The following CAST variants were observed in gnomAD, a reference collection of about 807,000 sequenced individuals.
CAST encodes MIR583 host.
A neutral mutation model predicts 119.6 loss-of-function variants in CAST; 76 were observed. The ratio of observed to expected loss-of-function variants is 0.64; its 90% CI spans 0.53 to 0.77. The LOEUF (loss-of-function observed/expected upper bound fraction) is 0.77, where lower values mean the gene tolerates loss of function less well. Ranked by LOEUF, CAST falls within the 30% of genes least tolerant of loss-of-function variation. The pLI is 0.00. For synonymous variants in CAST, 319 were observed against 331.6 expected, an observed-to-expected ratio of 0.96 and a Z score of 0.41; for missense variants, 953 against 946.5, an observed-to-expected ratio of 1.01 and a Z score of -0.09.
chr5:96,080,541 A>G, the CAST span, among the ~76,000 whole-genome samples: 3 of 152,236 alleles, frequency 2.0e-5, no homozygotes, highest in African/African-American at 7.2e-5. Context: ...ATTAAAGTTC[A>G]TCATTTTGGA....
the CAST span, among the ~76,000 whole-genome samples, chr5:96,517,158 T>A: frequency 0.022 from 3,378 of 152,152 alleles, 55 homozygotes; most frequent in Middle Eastern, 0.041. Flanking sequence ...TTTTTTTAAC[T>A]AAGAATCTAG....
At chr5:96,757,097 T>TA (rs1766473794) in intron 22 of CAST, among the ~76,000 whole-genome samples, 1 of 152,204 alleles carries the variant, frequency 6.6e-6, no homozygotes, top group Admixed American at 6.5e-5. Flanking sequence ...GTAAAGGGCT[T>TA]ATCCCACACT....
At chr5:95,982,410 C>T in the CAST span, among the ~76,000 whole-genome samples, 2 of 152,136 alleles carry the variant, frequency 1.3e-5, no homozygotes, top group South Asian at 2.1e-4. Context: ...TGTTCTATCA[C>T]CACAGAGGAA....
At chr5:96,534,914 AAG>A (rs1033898923) in intron 1 of CAST, among the ~76,000 whole-genome samples, 3 of 141,832 alleles carry the variant, frequency 2.1e-5, no homozygotes, top group Non-Finnish European at 3.1e-5. Context: ...GAAGGAAAGA[AAG>A]AAAAGGAATA....
At chr5:96,034,485 A>ACACACACG in the CAST span, among the ~76,000 whole-genome samples, 26 of 130,838 alleles carry the variant, frequency 2.0e-4, 1 homozygote, top group Admixed American at 1.9e-3. Context: ...ACACACACAC[A>ACACACACG]CACACACACA....
upstream of CAST, among the ~76,000 whole-genome samples, chr5:96,659,007 T>C (rs1246930272): frequency 1.5e-4 from 23 of 152,216 alleles, no homozygotes. Context: ...CTCTTTCAAG[T>C]ATATATTTAT....
At chr5:96,527,795 T>C (rs1422814459), upstream of CAST, among the ~76,000 whole-genome samples, 1 of 152,150 alleles carries the variant, frequency 6.6e-6, no homozygotes, top group Non-Finnish European at 1.5e-5. Context: ...TCCATGGCCA[T>C]GAGGTGGGAC....
chr5:96,114,972 G>A, the CAST span, among the ~76,000 whole-genome samples: 4,236 of 152,324 alleles, frequency 0.028, 183 homozygotes, highest in African/African-American at 0.096. Context: ...TTGCTCATAT[G>A]TAAAATGGGT....
At chr5:96,327,437 A>G in the CAST span, among the ~76,000 whole-genome samples, 1 of 152,310 alleles carries the variant, frequency 6.6e-6, no homozygotes, top group East Asian at 1.9e-4. Flanking sequence ...TATTTGAGGA[A>G]CTATTTTCTC....
chr5:96,617,287 C>G (rs932272769), intron 1 of CAST, among the ~76,000 whole-genome samples: 4 of 151,966 alleles, frequency 2.6e-5, no homozygotes, highest in African/African-American at 4.8e-5. Flanking sequence ...ATTTATCCCC[C>G]CAAGTCCTAT....
intron 1 of CAST, among the ~76,000 whole-genome samples, chr5:96,561,786 G>GTTTTTTTTTTTT (rs1554067776): frequency 1.0e-4 from 11 of 105,428 alleles, no homozygotes; most frequent in Non-Finnish European, 1.7e-4. Context: ...TTATATATAT[G>GTTTTTTTTTTTT]TTTTTTTTTG....
intron 1 of CAST, among the ~76,000 whole-genome samples, chr5:96,577,277 C>T (rs1168792431): frequency 1.3e-5 from 2 of 150,374 alleles, no homozygotes; most frequent in Non-Finnish European, 3.0e-5. Context: ...TCTGCCTTTT[C>T]ATTTTTGTTA....
chr5:96,499,304 C>A, the CAST span, among the ~76,000 whole-genome samples: 1 of 152,260 alleles, frequency 6.6e-6, no homozygotes, highest in East Asian at 1.9e-4. Context: ...CAGACCACTG[C>A]AATAAACAAT....
upstream of CAST, among the ~76,000 whole-genome samples, chr5:96,522,643 A>AC (rs1273979928): frequency 2.0e-5 from 3 of 152,000 alleles, no homozygotes; most frequent in East Asian, 5.8e-4. Flanking sequence ...TCTAGTGCTG[A>AC]CCCCCACTAA....
the CAST span, among the ~76,000 whole-genome samples, chr5:96,112,421 T>C: frequency 6.6e-6 from 1 of 152,194 alleles, no homozygotes; most frequent in Non-Finnish European, 1.5e-5. Flanking sequence ...ACCTATTATA[T>C]TGTGATTGCT....
intron 1 of CAST, among the ~76,000 whole-genome samples, chr5:96,554,092 G>C (rs1361547060): frequency 6.6e-6 from 1 of 152,170 alleles, no homozygotes; most frequent in Non-Finnish European, 1.5e-5. Flanking sequence ...AGCCTGCATA[G>C]CCAAGACAAT....
At chr5:96,734,379 T>C (rs1338542277) in intron 9 of CAST, among the ~76,000 whole-genome samples, 1 of 152,014 alleles carries the variant, frequency 6.6e-6, no homozygotes, top group East Asian at 1.9e-4. Flanking sequence ...TGCAGTTAGG[T>C]GGATGGGATA....
the CAST span, among the ~76,000 whole-genome samples, chr5:96,346,971 A>G: frequency 6.6e-6 from 1 of 152,150 alleles, no homozygotes; most frequent in Non-Finnish European, 1.5e-5. Flanking sequence ...AAGGTAGAAA[A>G]GGAATTATTT....
At chr5:96,304,240 A>T in the CAST span, among the ~76,000 whole-genome samples, 4 of 152,186 alleles carry the variant, frequency 2.6e-5, no homozygotes, top group Admixed American at 2.6e-4. Flanking sequence ...GGCCACATAA[A>T]CGTCTTCTTT....
Sources: allele counts gnomAD v4.1 joint callset (sites outside exome capture counted in the v4.1 genomes callset), GRCh38; gene constraint gnomAD v4.1.1; transcripts MANE v1.5; gene names NCBI Gene and HGNC (gene_info 2026-07-23, HGNC 2026-07-21).